TACC1: variants seen among roughly 807,000 people sequenced by gnomAD.
TACC1 encodes transforming acidic coiled-coil-containing protein 1.
TACC1 carries 48 observed loss-of-function variants against 84.4 expected under a neutral mutation model. The ratio of observed to expected loss-of-function variants is 0.57; its 90% CI spans 0.45 to 0.72. The LOEUF is 0.72. Among genes scored for constraint, TACC1 ranks in the 30% least tolerant of loss-of-function variants. TACC1 has a pLI of 0.00. For synonymous variants in TACC1, 372 were observed against 376.3 expected (o/e 0.99, Z 0.13); for missense variants, 920 against 973.0 (o/e 0.95, Z 0.72).
At chr8:38,776,107 C>A (rs1274102074) in intron 3 of TACC1, among the ~76,000 whole-genome samples, 1 of 152,200 alleles carries the variant, frequency 6.6e-6, no homozygotes, top group Non-Finnish European at 1.5e-5. Context: ...GTTATACAAT[C>A]ATATTATTTC....
At chr8:38,764,781 A>C (rs1811904326) in intron 3 of TACC1, among the ~76,000 whole-genome samples, 1 of 152,146 alleles carries the variant, frequency 6.6e-6, no homozygotes, top group East Asian at 1.9e-4. Context: ...AGCCTGGCCA[A>C]CAACTTTGAA....
intron 2 of TACC1, among the ~76,000 whole-genome samples, chr8:38,816,908 T>C (rs1342008095): frequency 6.6e-6 from 1 of 152,184 alleles, no homozygotes; most frequent in Non-Finnish European, 1.5e-5. Context: ...GGGACGGTGC[T>C]GAAAGTTGCA....
rs140434359 is a variant in TACC1, at chr8:38,803,690, C to T, written c.277+14871C>T. Among the ~76,000 whole-genome samples the T allele has an allele frequency of 6.9e-3, 1,047 of 152,116 alleles. 8 individuals carry two copies. Among genetic ancestry groups the T allele is most frequent in the Non-Finnish European group, 9.9e-3 (675 of 67,982 alleles). On this transcript the variant is annotated intron_variant, in intron 2 of 12. Transcript: ENST00000317827. The stretch of plus-strand genomic sequence containing the variant: ...AGTATTCTGTTGAGGATTTTTGCAT[C>T]TATATTCAATAAAAGATGCTGGTCT...
At chr8:38,771,740 C>T (rs1251681708) in intron 3 of TACC1, among the ~76,000 whole-genome samples, 1 of 152,110 alleles carries the variant, frequency 6.6e-6, no homozygotes, top group Non-Finnish European at 1.5e-5. Context: ...TATTTATTTG[C>T]TTTATTTATG....
intron 2 of TACC1, among the ~76,000 whole-genome samples, chr8:38,789,882 G>T (rs968855168): frequency 6.6e-6 from 1 of 152,212 alleles, no homozygotes; most frequent in Non-Finnish European, 1.5e-5. Flanking sequence ...GCTGAAGTCA[G>T]CGTGGTCAGA....
At chr8:38,816,414 T>C (rs573534666) in intron 2 of TACC1, among the ~76,000 whole-genome samples, 1 of 152,334 alleles carries the variant, frequency 6.6e-6, no homozygotes, top group East Asian at 1.9e-4. Context: ...TTTCCAAAAA[T>C]TCAGTTCATT....
At position 38,843,156 on chromosome 8, in the gene TACC1, T is replaced by G. The variant is rs914330011; in HGVS notation, c.2122-133T>G. 1.4e-5 allele frequency: 8 copies of G among 560,996 alleles called. No homozygotes were observed. The South Asian group carries it at 2.1e-4, about 14-fold the overall frequency. 34.8% of individuals were successfully genotyped at this position (560,996 alleles called of 1,614,324 possible). A position where few individuals can be genotyped will look rare whatever the true frequency, so the allele number is the denominator to read the frequency against. Reference sequence around the variant, plus strand: ...AGAATTACATGTGGCTATTTCAAATTACTGCAGAGTATGAATAAAAGCCAT... The same window carrying G: ...AGAATTACATGTGGCTATTTCAAATGACTGCAGAGTATGAATAAAAGCCAT... On this transcript the variant is annotated intron_variant, in intron 10 of 12. Transcript: ENST00000317827.
At chr8:38,757,906 GA>G (rs1348145430) in intron 3 of TACC1, among the ~76,000 whole-genome samples, 1 of 152,056 alleles carries the variant, frequency 6.6e-6, no homozygotes, top group Admixed American at 6.5e-5. Flanking sequence ...GATGATCTCA[GA>G]AAAAAAGGGC....
intron 1 of TACC1, among the ~76,000 whole-genome samples, chr8:38,734,907 G>GT (rs1437588251): frequency 1.3e-5 from 2 of 152,282 alleles, no homozygotes; most frequent in Non-Finnish European, 2.9e-5. Context: ...TCCAGGGCCG[G>GT]TCTGGTTTTC....
Position 38,849,877 on chromosome 8 carries a change from G to C in TACC1, c.*1854G>C, listed in dbSNP as rs112650180. 1 of 152,624 alleles carries C rather than the reference G, an allele frequency of 6.6e-6. No homozygotes were observed. Among genetic ancestry groups the C allele is most frequent in the East Asian group, 1.9e-4 (1 of 5,204 alleles). The allele number at this position is 152,624 out of a possible 1,614,324, so 9.5% of individuals were successfully genotyped here. A position where few individuals can be genotyped will look rare whatever the true frequency, so the allele number is the denominator to read the frequency against. On this transcript the variant is annotated 3_prime_UTR_variant, in exon 13 of 13. Coordinates refer to ENST00000317827, the MANE Select transcript of TACC1 (RefSeq NM_006283.3). ...CTAGTGGTCATAGTACCAAGGGCAC[G>C]TGTCTCCCCTTGGTATAACTGATTT...
intron 3 of TACC1, among the ~76,000 whole-genome samples, chr8:38,781,261 AT>A (rs1815894675): frequency 6.6e-6 from 1 of 152,108 alleles, no homozygotes; most frequent in African/African-American, 2.4e-5. Context: ...ATCTCAAAAC[AT>A]TTGGGCTATA....
At position 38,817,968 on chromosome 8, in the gene TACC1, A is replaced by T. The variant is rs1473099544; in HGVS notation, c.278-1554A>T. On this transcript the variant is annotated intron_variant, in intron 2 of 12. Transcript: ENST00000317827. ...AAAAACAGGCTGGACGCAGTGGCTTATACCTGTGACCCCAGTGCTTTGGGA... is the reference window on the plus strand; with the variant it reads ...AAAAACAGGCTGGACGCAGTGGCTTTTACCTGTGACCCCAGTGCTTTGGGA... Among the ~76,000 whole-genome samples, 3 of 145,756 alleles carry T rather than the reference A, an allele frequency of 2.1e-5. No homozygotes were observed. The East Asian group carries it at 6.1e-4, about 30-fold the overall frequency.
intron 2 of TACC1, chr8:38,805,711 A>C (rs1475270600): frequency 6.6e-6 from 1 of 152,256 alleles, no homozygotes; most frequent in African/African-American, 2.4e-5. Flanking sequence ...ATCTGAGAAG[A>C]TAACTCTGTG....
chr8:38,776,196 A>G (rs17585539), intron 3 of TACC1, among the ~76,000 whole-genome samples: 4,498 of 152,326 alleles, frequency 0.03, 106 homozygotes, highest in Non-Finnish European at 0.041. Flanking sequence ...AAATCTAAAT[A>G]TTGACTCCCT....
At position 38,848,108 on chromosome 8, in the gene TACC1, G is replaced by A; in HGVS notation, c.*85G>A. The A allele has an allele frequency of 7.6e-7, 1 of 1,321,018 alleles. No individual in the cohort carries two copies. 81.8% of individuals were successfully genotyped at this position (1,321,018 alleles called of 1,614,324 possible). On this transcript the variant is annotated 3_prime_UTR_variant, in exon 13 of 13. Coordinates refer to ENST00000317827, the MANE Select transcript of TACC1 (RefSeq NM_006283.3). Reference sequence around the variant, plus strand: ...TATCTTGCCTTATCCAGGAATAATTGCCCCTTTGCAGAGAAAAAAAAAAAC... The same window carrying A: ...TATCTTGCCTTATCCAGGAATAATTACCCCTTTGCAGAGAAAAAAAAAAAC...
intron 1 of TACC1, among the ~76,000 whole-genome samples, chr8:38,739,152 G>A (rs1205524174): frequency 6.6e-6 from 1 of 152,214 alleles, no homozygotes; most frequent in African/African-American, 2.4e-5. Flanking sequence ...TGCTCCTGAA[G>A]TGCATGGGCC....
intron 3 of TACC1, chr8:38,823,882 G>A (rs1827435819): frequency 1.3e-6 from 1 of 742,146 alleles, no homozygotes; most frequent in Admixed American, 2.1e-5. Context: ...AGAAAGAATT[G>A]TGCAGCTTTT....
chr8:38,788,695 C>T lies in TACC1; in HGVS notation c.162-9C>T. 4 of 1,603,724 alleles carry T rather than the reference C, an allele frequency of 2.5e-6. No homozygotes were observed. Among genetic ancestry groups the T allele is most frequent in the Non-Finnish European group, 3.4e-6 (4 of 1,173,202 alleles). On this transcript the variant is annotated splice_polypyrimidine_tract_variant and intron_variant, in intron 1 of 12. Transcript: ENST00000317827. ...AAAGTGGTAATTCCTCATTTTTCCT[C>T]CTTGGCAGCTCGGATTCTGAAGGTA...
chr8:38,756,293 C>T (rs1380696805), intron 3 of TACC1, among the ~76,000 whole-genome samples: 2 of 151,962 alleles, frequency 1.3e-5, no homozygotes, highest in Non-Finnish European at 2.9e-5. Flanking sequence ...GAAACAGATT[C>T]CCTGTCTTCA....
Sources: gnomAD v4.1 joint callset for allele counts (sites outside exome capture counted in the v4.1 genomes callset) on GRCh38, gnomAD v4.1.1 for gene constraint, MANE v1.5 for transcripts, NCBI Gene and HGNC (gene_info 2026-07-23, HGNC 2026-07-21) for gene names.